BABAM2: variants seen among roughly 807,000 people sequenced by gnomAD.
BABAM2 encodes BRISC and BRCA1-A complex member 2.
BABAM2 carries 31 observed loss-of-function variants against 54.7 expected under a neutral mutation model. The ratio of observed to expected loss-of-function variants is 0.57; its 90% CI spans 0.43 to 0.77. BABAM2 has a LOEUF of 0.77. BABAM2 is among the 30% of genes least tolerant of loss of function. The pLI is 0.00. For missense variants in BABAM2, 364 were observed against 455.8 expected (o/e 0.80, Z 1.83); for synonymous variants, 167 against 162.9 (o/e 1.03, Z -0.19).
chr2:28,250,459 C>T (rs1683347833), intron 10 of BABAM2, among the ~76,000 whole-genome samples: 1 of 150,706 alleles, frequency 6.6e-6, no homozygotes, highest in South Asian at 2.1e-4. Context: ...AGCAACATTG[C>T]TCCTTGTCCT....
In BABAM2 at chr2:28,328,373, C is replaced by T. The variant is rs139138909; in HGVS notation, c.1089-10077C>T. Among the ~76,000 whole-genome samples, 79 of 152,306 alleles carry T rather than the reference C, an allele frequency of 5.2e-4. 1 individual carries two copies. The highest frequency in any genetic ancestry group is 1.9e-3 in the African/African-American group (79 of 41,558). ...AGCTGCAGAAGAAAACTGGAAAAAG[C>T]AGTGAGCCTTAGATGTTGGAACTTG... On this transcript the variant is annotated intron_variant, in intron 11 of 11. Transcript: ENST00000379624.
intron 7 of BABAM2, among the ~76,000 whole-genome samples, chr2:28,166,119 G>C (rs1431636737): frequency 6.6e-6 from 1 of 152,166 alleles, no homozygotes; most frequent in African/African-American, 2.4e-5. Flanking sequence ...AGAGAATCCA[G>C]CCCTGCTGAC....
chr2:27,891,507 C>CAGT (rs922028349), intron 1 of BABAM2, among the ~76,000 whole-genome samples: 32 of 152,172 alleles, frequency 2.1e-4, no homozygotes, highest in African/African-American at 7.2e-4. Context: ...ATACAAATTG[C>CAGT]AGTAGTAGTA....
chr2:28,294,181 C>T (rs1687503849), intron 10 of BABAM2, among the ~76,000 whole-genome samples: 2 of 152,032 alleles, frequency 1.3e-5, no homozygotes, highest in Admixed American at 6.6e-5. Flanking sequence ...GAGTTCAAGA[C>T]CAGCCTGACC....
In BABAM2 at chr2:28,067,016, C is replaced by T. The variant is rs565451725; in HGVS notation, c.570+21217C>T. 2.6e-5 allele frequency among the ~76,000 whole-genome samples: 4 copies of T among 152,292 alleles called. No individual in the cohort carries two copies. The South Asian group carries it at 8.3e-4, about 32-fold the overall frequency. On this transcript the variant is annotated intron_variant, in intron 6 of 11. Transcript: ENST00000379624. The stretch of plus-strand genomic sequence containing the variant: ...AGGCTGGAGTGCAATGGTGCAATCT[C>T]AGCTCACTGGGTTCAAATGATTCTC...
At chr2:28,045,257 T>C (rs1677468086) in intron 5 of BABAM2, among the ~76,000 whole-genome samples, 1 of 152,180 alleles carries the variant, frequency 6.6e-6, no homozygotes, top group Admixed American at 6.5e-5. Context: ...CACTGCTAGG[T>C]AGAAGTTTGA....
chr2:28,335,847 G>A (rs1305560829), intron 11 of BABAM2, among the ~76,000 whole-genome samples: 1 of 152,204 alleles, frequency 6.6e-6, no homozygotes, highest in Non-Finnish European at 1.5e-5. Context: ...TCCAGGGCTC[G>A]TATCCTGGAC....
rs142290638 is a variant in BABAM2, at chr2:28,024,793, AC to A, written c.301-432del. Among the ~76,000 whole-genome samples, 883 of 152,290 alleles carry A rather than the reference AC, an allele frequency of 5.8e-3. 11 individuals are homozygous for A. The highest frequency in any genetic ancestry group is 0.02 in the African/African-American group (837 of 41,564). On this transcript the variant is annotated intron_variant, in intron 4 of 11. Coordinates refer to ENST00000379624, the MANE Select transcript of BABAM2 (RefSeq NM_199191.3). ...AGAGCGTTTATTTATATCTGGTATT[AC>A]AGATACAGATGGTCTGTGGATCTGA...
intron 10 of BABAM2, among the ~76,000 whole-genome samples, chr2:28,263,145 AAAG>A (rs200154811): frequency 0.17 from 23,826 of 142,632 alleles, 1,851 homozygotes; most frequent in African/African-American, 0.22. Flanking sequence ...AAAAAAAAAA[AAAG>A]AAGAAAAGAA....
chr2:28,120,243 T>C (rs1668955773), intron 6 of BABAM2, among the ~76,000 whole-genome samples: 1 of 152,262 alleles, frequency 6.6e-6, no homozygotes, highest in South Asian at 2.1e-4. Context: ...ACAATATCAT[T>C]TATTCTTGGA....
At chr2:28,167,672 C>G (rs553403811) in intron 7 of BABAM2, among the ~76,000 whole-genome samples, 1 of 148,086 alleles carries the variant, frequency 6.8e-6, no homozygotes, top group Non-Finnish European at 1.5e-5. Flanking sequence ...CCAGCCTGGG[C>G]GACAGAGCGA....
chr2:28,056,005 T>C (rs1027480858), intron 6 of BABAM2, among the ~76,000 whole-genome samples: 1 of 152,126 alleles, frequency 6.6e-6, no homozygotes, highest in Non-Finnish European at 1.5e-5. Flanking sequence ...AGAAAAGTAT[T>C]GCATGATCTC....
At chr2:28,064,934 C>T (rs368156855) in intron 6 of BABAM2, among the ~76,000 whole-genome samples, 5 of 149,756 alleles carry the variant, frequency 3.3e-5, no homozygotes, top group South Asian at 2.1e-4. Flanking sequence ...ACCTGGGAGG[C>T]GGAGGTTGCA....
intron 11 of BABAM2, among the ~76,000 whole-genome samples, chr2:28,332,628 C>T (rs1000013223): frequency 3.3e-5 from 5 of 152,140 alleles, no homozygotes; most frequent in African/African-American, 1.2e-4. Context: ...CCAGGCCAAC[C>T]AACACCCTGC....
At chr2:27,924,421 G>C (rs1417069897) in intron 2 of BABAM2, among the ~76,000 whole-genome samples, 2 of 151,478 alleles carry the variant, frequency 1.3e-5, no homozygotes, top group Admixed American at 6.6e-5. Context: ...GTCTCGCTCT[G>C]TTGCCCAGGC....
rs778275011 is a variant in BABAM2 at position 28,176,569 on chromosome 2, CAAAAAAAAAAAAA to C, written c.680+47204_680+47216del. Among the ~76,000 whole-genome samples, 21 of 5,040 alleles carry C rather than the reference CAAAAAAAAAAAAA, an allele frequency of 4.2e-3. No homozygotes were observed. In the South Asian group the frequency reaches 0.096, roughly 23 times the overall value. The allele number at this position is 5,040 out of a possible 152,430, so 3.3% of individuals were successfully genotyped here. On this transcript the variant is annotated intron_variant, in intron 7 of 11. Transcript: ENST00000379624. ...TGGGCAACACAGTGAGACTCTATCT[CAAAAAAAAAAAAA>C]AAAAAAAAAAAAAACCTCACTGAGA...
intron 7 of BABAM2, among the ~76,000 whole-genome samples, chr2:28,164,320 C>T (rs887277759): frequency 4.6e-5 from 7 of 152,088 alleles, no homozygotes; most frequent in Admixed American, 3.3e-4. Context: ...TACACCCCCA[C>T]GTGGAGTTAG....
intron 3 of BABAM2, among the ~76,000 whole-genome samples, chr2:27,948,444 G>A (rs1669459559): frequency 6.6e-6 from 1 of 152,058 alleles, no homozygotes; most frequent in South Asian, 2.1e-4. Context: ...CTGCCTTAGT[G>A]CACTGACTAG....
intron 7 of BABAM2, among the ~76,000 whole-genome samples, chr2:28,170,245 G>A (rs1465104159): frequency 6.6e-6 from 1 of 151,948 alleles, no homozygotes; most frequent in Non-Finnish European, 1.5e-5. Context: ...ATATATACAT[G>A]CATGTGCTGG....
Sources: allele counts gnomAD v4.1 joint callset (sites outside exome capture counted in the v4.1 genomes callset), GRCh38; gene constraint gnomAD v4.1.1; transcripts MANE v1.5; gene names NCBI Gene and HGNC (gene_info 2026-07-23, HGNC 2026-07-21).